The following CCNYL1 variants were observed in gnomAD, a reference collection of about 807,000 sequenced individuals.
CCNYL1 encodes the protein cyclin-Y-like protein 1.
A neutral mutation model predicts 44.2 loss-of-function variants in CCNYL1; 16 were observed. The ratio of observed to expected loss-of-function variants is 0.36; its 90% CI spans 0.25 to 0.55. The LOEUF (loss-of-function observed/expected upper bound fraction) is 0.55, where lower values mean the gene tolerates loss of function less well. CCNYL1 is among the 20% of genes least tolerant of loss of function. The pLI is 0.85. For missense variants in CCNYL1, 348 were observed against 451.8 expected, an observed-to-expected ratio of 0.77 and a Z score of 2.08; for synonymous variants, 159 against 163.2, an observed-to-expected ratio of 0.97 and a Z score of 0.20.
At chr2:207,715,158 C>A (rs532779217) in intron 1 of CCNYL1, among the ~76,000 whole-genome samples, 33 of 152,128 alleles carry the variant, frequency 2.2e-4, no homozygotes, top group African/African-American at 7.0e-4. Flanking sequence ...ATCCCAGCTA[C>A]TCAGGAGGCT....
chr2:207,732,044 A>G (rs1181523429), intron 3 of CCNYL1, among the ~76,000 whole-genome samples: 1 of 152,216 alleles, frequency 6.6e-6, no homozygotes, highest in East Asian at 1.9e-4. Flanking sequence ...TCCTGACCTC[A>G]GGTGATCCAC....
At chr2:207,715,953 G>T (rs979755060) in intron 1 of CCNYL1, among the ~76,000 whole-genome samples, 2 of 152,156 alleles carry the variant, frequency 1.3e-5, no homozygotes, top group Non-Finnish European at 2.9e-5. Flanking sequence ...TGGGATTACA[G>T]GTGTGAGCCA....
intron 9 of CCNYL1, among the ~76,000 whole-genome samples, chr2:207,752,187 G>T (rs867857671): frequency 2.1e-4 from 32 of 152,116 alleles, no homozygotes; most frequent in Non-Finnish European, 2.9e-4. Context: ...TTAGACAAAG[G>T]ATTAGTGGAT....
intron 5 of CCNYL1, among the ~76,000 whole-genome samples, chr2:207,739,515 C>G (rs1426896250): frequency 6.6e-6 from 1 of 152,236 alleles, no homozygotes; most frequent in Non-Finnish European, 1.5e-5. Context: ...TAGGCATGAG[C>G]CACCACACCT....
intron 9 of CCNYL1, among the ~76,000 whole-genome samples, chr2:207,752,259 G>A (rs1220051218): frequency 6.6e-6 from 1 of 152,144 alleles, no homozygotes; most frequent in African/African-American, 2.4e-5. Flanking sequence ...CTGGATGTAA[G>A]TGGTAGGCAT....
chr2:207,729,373 C>G lies in CCNYL1; in HGVS notation c.330+2497C>G, dbSNP rs376225660. On this transcript the variant is annotated intron_variant, in intron 3 of 9. Transcript: ENST00000295414. ...GCTCTAACCATTCTATTGAATCTTT[C>G]ATCTTTTTGAAGGTATTTTAAGAAT... Among the ~76,000 whole-genome samples the G allele has an allele frequency of 1.8e-4, 27 of 149,856 alleles. No homozygotes were observed. In the South Asian group the frequency reaches 5.7e-3, roughly 32 times the overall value.
Position 207,723,166 on chromosome 2 carries a change from A to G in CCNYL1, c.221-1634A>G, listed in dbSNP as rs527714228. ...AAAGCAGTTTAAAAAAGTTGAGTGAAGGACTTTCCATGGAGAACAAAGCAG... is the reference window on the plus strand; with the variant it reads ...AAAGCAGTTTAAAAAAGTTGAGTGAGGGACTTTCCATGGAGAACAAAGCAG... On this transcript the variant is annotated intron_variant, in intron 1 of 9. Coordinates refer to ENST00000295414, the MANE Select transcript of CCNYL1 (RefSeq NM_001330218.2). Among the ~76,000 whole-genome samples the G allele has an allele frequency of 3.3e-5, 5 of 152,344 alleles. No homozygotes were observed. The South Asian group carries it at 1.0e-3, about 32-fold the overall frequency.
At chr2:207,725,315 T>C (rs2091672068) in intron 2 of CCNYL1, among the ~76,000 whole-genome samples, 1 of 152,000 alleles carries the variant, frequency 6.6e-6, no homozygotes, top group African/African-American at 2.4e-5. Flanking sequence ...TTAGTAGAGA[T>C]GGGGTTTCAC....
At chr2:207,718,918 G>T (rs990508483) in intron 1 of CCNYL1, among the ~76,000 whole-genome samples, 3 of 151,452 alleles carry the variant, frequency 2.0e-5, no homozygotes, top group East Asian at 1.9e-4. Context: ...AATATGTCTA[G>T]TAAGAAATTG....
At chr2:207,743,365 T>C (rs964651019) in intron 7 of CCNYL1, among the ~76,000 whole-genome samples, 27 of 152,180 alleles carry the variant, frequency 1.8e-4, no homozygotes, top group Non-Finnish European at 3.8e-4. Context: ...AATAATCATT[T>C]GAATGTACCG....
chr2:207,735,273 T>G (rs755044061), intron 4 of CCNYL1, among the ~76,000 whole-genome samples: 4 of 152,234 alleles, frequency 2.6e-5, no homozygotes, highest in Non-Finnish European at 5.9e-5. Context: ...AAATTGACTT[T>G]TAGGAAAGAT....
At chr2:207,733,872 T>A (rs2091746439) in intron 3 of CCNYL1, 75 bp from the exon 4 acceptor site, 1 of 901,532 alleles carries the variant, frequency 1.1e-6, no homozygotes, top group African/African-American at 1.7e-5. Flanking sequence ...CATTTGACAT[T>A]TTAACCAAGG....
intron 4 of CCNYL1, among the ~76,000 whole-genome samples, chr2:207,737,026 T>C (rs937847773): frequency 1.3e-5 from 2 of 152,096 alleles, no homozygotes; most frequent in Middle Eastern, 3.4e-3. Flanking sequence ...CGCCATTCTC[T>C]TGCCTCAGCC....
intron 3 of CCNYL1, among the ~76,000 whole-genome samples, chr2:207,728,259 G>A (rs1348503183): frequency 6.9e-6 from 1 of 144,084 alleles, no homozygotes; most frequent in Non-Finnish European, 1.5e-5. Context: ...ACTGCACCTG[G>A]CCTTTTTTTT....
chr2:207,711,716 CCGGGCCGCGGGG>C lies in CCNYL1; in HGVS notation c.-175_-164del. The C allele has an allele frequency of 5.0e-6, 1 of 200,124 alleles. No homozygotes were observed. Among genetic ancestry groups the C allele is most frequent in the East Asian group, 1.3e-4 (1 of 7,910 alleles). 12.4% of individuals were successfully genotyped at this position (200,124 alleles called of 1,614,324 possible). A position where few individuals can be genotyped will look rare whatever the true frequency, so the allele number is the denominator to read the frequency against. Reference sequence around the variant, plus strand: ...GCCGAGGCCCGAGCCCTGCCCGGGGCCGGGCCGCGGGGCGGGCGGGCGAACCGCGGGCGAGGC... The same window carrying C: ...GCCGAGGCCCGAGCCCTGCCCGGGGCCGGGCGGGCGAACCGCGGGCGAGGC... On this transcript the variant is annotated 5_prime_UTR_variant, in exon 1 of 10. Coordinates refer to ENST00000295414, the MANE Select transcript of CCNYL1 (RefSeq NM_001330218.2).
At chr2:207,720,041 A>G (rs990410818) in intron 1 of CCNYL1, among the ~76,000 whole-genome samples, 3 of 151,754 alleles carry the variant, frequency 2.0e-5, no homozygotes, top group African/African-American at 7.3e-5. Flanking sequence ...TACAAAAATT[A>G]GTTGGGTGTG....
chr2:207,743,966 G>A (rs2091833083), intron 7 of CCNYL1, among the ~76,000 whole-genome samples: 1 of 152,126 alleles, frequency 6.6e-6, no homozygotes, highest in African/African-American at 2.4e-5. Flanking sequence ...GAGTAGAGGA[G>A]AGGCAGATTG....
At chr2:207,737,794 T>C (rs985987091) in intron 5 of CCNYL1, among the ~76,000 whole-genome samples, 3 of 152,224 alleles carry the variant, frequency 2.0e-5, no homozygotes, top group Admixed American at 6.5e-5. Context: ...CTGTGTATTG[T>C]AGGATATTTA....
At chr2:207,746,157 C>T (rs1394744633) in intron 7 of CCNYL1, among the ~76,000 whole-genome samples, 1 of 152,310 alleles carries the variant, frequency 6.6e-6, no homozygotes, top group East Asian at 1.9e-4. Flanking sequence ...TTTTGTCCAT[C>T]TGTGTTCCTT....
Sources: gnomAD v4.1 joint callset for allele counts (sites outside exome capture counted in the v4.1 genomes callset) on GRCh38, gnomAD v4.1.1 for gene constraint, MANE v1.5 for transcripts, NCBI Gene and HGNC (gene_info 2026-07-23, HGNC 2026-07-21) for gene names.